Variants in RHBDD1 observed in about 807,000 individuals in gnomAD.
RHBDD1 encodes rhomboid domain containing 1, also known as rhomboid-related protein 4.
RHBDD1 carries 38 observed loss-of-function variants against 36.3 expected under a neutral mutation model. The ratio of observed to expected loss-of-function variants is 1.05; its 90% confidence interval spans 0.81 to 1.37. The LOEUF is 1.37. Ranked by LOEUF, RHBDD1 falls within the 40% of genes most tolerant of loss-of-function variation. RHBDD1 has a pLI of 0.00. For synonymous variants in RHBDD1, 151 were observed against 136.5 expected, an observed-to-expected ratio of 1.11 and a Z score of -0.74; for missense variants, 393 against 377.6, an observed-to-expected ratio of 1.04 and a Z score of -0.34.
chr2:226,829,390 G>A, the RHBDD1 span, among the ~76,000 whole-genome samples: 1 of 152,134 alleles, frequency 6.6e-6, no homozygotes, highest in East Asian at 1.9e-4. Flanking sequence ...AGCTTGTGAA[G>A]TGTGTACCCC....
At chr2:226,828,307 G>A in the RHBDD1 span, among the ~76,000 whole-genome samples, 10 of 151,700 alleles carry the variant, frequency 6.6e-5, no homozygotes, top group Admixed American at 3.9e-4. Context: ...GTTTTTTTTC[G>A]TTGCTTAATC....
chr2:226,936,132 A>G (rs911423812), intron 8 of RHBDD1, among the ~76,000 whole-genome samples: 2 of 152,144 alleles, frequency 1.3e-5, no homozygotes, highest in African/African-American at 4.8e-5. Flanking sequence ...AGCAATTTCA[A>G]TGCAAAACAA....
chr2:226,993,243 G>C (rs1179365406), intron 8 of RHBDD1, among the ~76,000 whole-genome samples: 1 of 152,202 alleles, frequency 6.6e-6, no homozygotes, highest in Non-Finnish European at 1.5e-5. Context: ...AGAGGACTCT[G>C]TGTTTCCCTC....
chr2:226,851,842 C>T (rs1164910499), intron 3 of RHBDD1, among the ~76,000 whole-genome samples: 1 of 152,198 alleles, frequency 6.6e-6, no homozygotes. Flanking sequence ...GAAACCAATG[C>T]TCATGTAGTT....
At chr2:226,829,873 C>T in the RHBDD1 span, among the ~76,000 whole-genome samples, 1 of 152,084 alleles carries the variant, frequency 6.6e-6, no homozygotes, top group African/African-American at 2.4e-5. Flanking sequence ...CTAGCTGAAA[C>T]CTCCAGTACA....
chr2:226,923,063 C>A (rs867214006), intron 8 of RHBDD1, among the ~76,000 whole-genome samples: 6 of 152,286 alleles, frequency 3.9e-5, no homozygotes, highest in South Asian at 2.1e-4. Context: ...TTACACACCA[C>A]AATTACAGTG....
chr2:226,988,343 C>T, intron 8 of RHBDD1: 1 of 1,549,866 alleles, frequency 6.5e-7, no homozygotes, highest in Non-Finnish European at 8.7e-7. Flanking sequence ...AAAACCAGGT[C>T]ATAAAGAGAC....
At chr2:226,898,617 G>T (rs979094566) in intron 5 of RHBDD1, among the ~76,000 whole-genome samples, 1 of 152,204 alleles carries the variant, frequency 6.6e-6, no homozygotes, top group South Asian at 2.1e-4. Flanking sequence ...GTTGAAGGAG[G>T]CATCAAGGAC....
At chr2:226,938,305 G>A (rs1950467765) in intron 8 of RHBDD1, among the ~76,000 whole-genome samples, 1 of 151,594 alleles carries the variant, frequency 6.6e-6, no homozygotes, top group Admixed American at 6.6e-5. Flanking sequence ...TTGTAAATTT[G>A]TTTAAGTTCC....
At chr2:226,958,249 T>C (rs1023033229) in intron 8 of RHBDD1, among the ~76,000 whole-genome samples, 1 of 152,130 alleles carries the variant, frequency 6.6e-6, no homozygotes, top group Non-Finnish European at 1.5e-5. Flanking sequence ...AACCTGAAAG[T>C]AGTATGCTAA....
intron 7 of RHBDD1, 102 bp downstream of exon 7, chr2:226,908,980 G>A: frequency 1.3e-6 from 1 of 760,964 alleles, no homozygotes; most frequent in Non-Finnish European, 2.2e-6. Flanking sequence ...TGCTGTGGTA[G>A]GGTCATTCAC....
chr2:226,842,600 G>C (rs896281829), intron 3 of RHBDD1, among the ~76,000 whole-genome samples: 1 of 152,238 alleles, frequency 6.6e-6, no homozygotes, highest in East Asian at 1.9e-4. Context: ...TGTTGTAGTT[G>C]TGTGGTCTCG....
the RHBDD1 span, among the ~76,000 whole-genome samples, chr2:226,823,361 G>A: frequency 6.6e-6 from 1 of 152,164 alleles, no homozygotes; most frequent in Admixed American, 6.5e-5. Context: ...TTAAGACACA[G>A]TCAATTTGCA....
chr2:226,953,250 A>G (rs1478097962), intron 8 of RHBDD1, among the ~76,000 whole-genome samples: 3 of 152,178 alleles, frequency 2.0e-5, no homozygotes, highest in Admixed American at 2.0e-4. Context: ...TGGTTAGGAA[A>G]GTTGCAGTTC....
At position 226,923,682 on chromosome 2, in the gene RHBDD1, A is replaced by C. The variant is rs140481923; in HGVS notation, c.856+9331A>C. ...ATTTGCACTTTTAGGGCTATTTTCT[A>C]GATATTGAAGGTGTGCTTCATTCCT... On this transcript the variant is annotated intron_variant, in intron 8 of 8. Coordinates refer to ENST00000392062, the MANE Select transcript of RHBDD1 (RefSeq NM_001167608.3). Among the ~76,000 whole-genome samples, 5 of 152,078 alleles carry C rather than the reference A, an allele frequency of 3.3e-5. No individual in the cohort carries two copies. In the South Asian group the frequency reaches 1.0e-3, roughly 32 times the overall value.
chr2:226,950,091 T>G (rs1275732736), intron 8 of RHBDD1, among the ~76,000 whole-genome samples: 2 of 152,198 alleles, frequency 1.3e-5, no homozygotes, highest in African/African-American at 2.4e-5. Flanking sequence ...TCTTCATGAT[T>G]TTCAAGAATA....
At chr2:226,913,229 G>A (rs895615909) in intron 7 of RHBDD1, among the ~76,000 whole-genome samples, 13 of 152,028 alleles carry the variant, frequency 8.6e-5, no homozygotes, top group Non-Finnish European at 1.6e-4. Context: ...ATGGAGATCT[G>A]TCACAAAGAC....
intron 3 of RHBDD1, among the ~76,000 whole-genome samples, chr2:226,858,791 A>T (rs1191641023): frequency 2.0e-5 from 3 of 152,166 alleles, no homozygotes; most frequent in Non-Finnish European, 4.4e-5. Context: ...TTAAAAGTAA[A>T]TATGGCTAAT....
intron 8 of RHBDD1, among the ~76,000 whole-genome samples, chr2:226,992,160 T>C (rs955771690): frequency 1.3e-5 from 2 of 152,182 alleles, no homozygotes; most frequent in South Asian, 2.1e-4. Flanking sequence ...ATTTGACACA[T>C]GAATGCAAAG....
Sources: gnomAD v4.1 joint callset for allele counts (sites outside exome capture counted in the v4.1 genomes callset) on GRCh38, gnomAD v4.1.1 for gene constraint, MANE v1.5 for transcripts, NCBI Gene and HGNC (gene_info 2026-07-23, HGNC 2026-07-21) for gene names.